Variants in PTPRT observed in about 807,000 individuals in gnomAD.
PTPRT encodes protein tyrosine phosphatase receptor type T, also known as receptor-type tyrosine-protein phosphatase T.
A neutral mutation model predicts 176.8 loss-of-function variants in PTPRT; 56 were observed. That is an observed-to-expected ratio of 0.32 (90% CI 0.26 to 0.40). The LOEUF is 0.40. Ranked by LOEUF, PTPRT falls within the 10% of genes least tolerant of loss-of-function variation. PTPRT has a pLI of 1.00. For missense variants in PTPRT, 1,540 were observed against 1,908.2 expected (o/e 0.81, Z 3.60); for synonymous variants, 783 against 739.0 (o/e 1.06, Z -0.96).
intron 1 of PTPRT, among the ~76,000 whole-genome samples, chr20:43,130,050 A>G (rs944695872): frequency 1.3e-5 from 2 of 152,250 alleles, no homozygotes; most frequent in African/African-American, 4.8e-5. Flanking sequence ...AACAAAAACT[A>G]TACAAGTGGG....
intron 7 of PTPRT, among the ~76,000 whole-genome samples, chr20:42,492,669 T>A (rs2071581586): frequency 6.6e-6 from 1 of 152,170 alleles, no homozygotes; most frequent in Admixed American, 6.6e-5. Flanking sequence ...AACATGTTAT[T>A]TAGTTGTCAA....
At chr20:42,564,251 C>A (rs1455305171) in intron 7 of PTPRT, among the ~76,000 whole-genome samples, 1 of 152,202 alleles carries the variant, frequency 6.6e-6, no homozygotes, top group African/African-American at 2.4e-5. Flanking sequence ...TATTTGGGAT[C>A]AACTTTGCTT....
the PTPRT span, among the ~76,000 whole-genome samples, chr20:42,042,267 C>A: frequency 6.6e-6 from 1 of 152,106 alleles, no homozygotes; most frequent in Non-Finnish European, 1.5e-5. Flanking sequence ...ATTCACTCTG[C>A]CAAGCATTAG....
chr20:42,678,773 G>A (rs907360915), intron 6 of PTPRT, among the ~76,000 whole-genome samples: 1 of 152,226 alleles, frequency 6.6e-6, no homozygotes, highest in African/African-American at 2.4e-5. Flanking sequence ...ACACAGCAAA[G>A]CTGCTGGGTG....
the PTPRT span, among the ~76,000 whole-genome samples, chr20:42,037,097 A>G: frequency 1.3e-5 from 2 of 152,176 alleles, no homozygotes; most frequent in African/African-American, 4.8e-5. Flanking sequence ...CAGGCATCCC[A>G]CTTCTCACAC....
chr20:43,054,842 A>G (rs1987176543), intron 1 of PTPRT, among the ~76,000 whole-genome samples: 1 of 152,180 alleles, frequency 6.6e-6, no homozygotes, highest in Non-Finnish European at 1.5e-5. Context: ...AGATTTTTCT[A>G]AAGACCCATC....
intron 23 of PTPRT, among the ~76,000 whole-genome samples, chr20:42,108,391 T>C (rs1347538429): frequency 1.3e-5 from 2 of 151,660 alleles, no homozygotes; most frequent in African/African-American, 4.9e-5. Flanking sequence ...TACTCATCTA[T>C]AAAATGATGT....
At chr20:42,167,667 AGAG>A (rs1989886895) in intron 16 of PTPRT, among the ~76,000 whole-genome samples, 2 of 152,180 alleles carry the variant, frequency 1.3e-5, no homozygotes, top group African/African-American at 4.8e-5. Flanking sequence ...TTTGAGGTGA[AGAG>A]GAGGCTGGGT....
At chr20:42,825,685 T>C (rs531168093) in intron 2 of PTPRT, among the ~76,000 whole-genome samples, 7 of 152,032 alleles carry the variant, frequency 4.6e-5, no homozygotes, top group Non-Finnish European at 7.4e-5. Context: ...AAAATGACAG[T>C]GTAGGAATTA....
chr20:42,685,899 A>G (rs1467349588), intron 6 of PTPRT: 5 of 152,056 alleles, frequency 3.3e-5, no homozygotes, highest in Non-Finnish European at 2.9e-5. Flanking sequence ...TCTGCTCTCA[A>G]TCACTAGGAG....
At chr20:42,849,616 ACT>A (rs371821228) in intron 2 of PTPRT, among the ~76,000 whole-genome samples, 117 of 152,046 alleles carry the variant, frequency 7.7e-4, no homozygotes, top group African/African-American at 2.7e-3. Context: ...GCCACAACAC[ACT>A]CTGTTAGAAC....
At chr20:42,993,293 A>C (rs1021229071) in intron 1 of PTPRT, among the ~76,000 whole-genome samples, 1 of 150,054 alleles carries the variant, frequency 6.7e-6, no homozygotes, top group African/African-American at 2.5e-5. Context: ...TGGCGGGTGC[A>C]TGTAGTCCTA....
At chr20:42,415,821 T>A (rs2059061165) in intron 9 of PTPRT, among the ~76,000 whole-genome samples, 1 of 152,152 alleles carries the variant, frequency 6.6e-6, no homozygotes, top group Non-Finnish European at 1.5e-5. Context: ...CCATCATTAT[T>A]TATAGGGGTG....
chr20:42,235,738 G>A (rs1349944360), intron 15 of PTPRT, among the ~76,000 whole-genome samples: 1 of 152,134 alleles, frequency 6.6e-6, no homozygotes, highest in Admixed American at 6.5e-5. Flanking sequence ...TTTCACCTGT[G>A]AGGCCGGTTC....
At chr20:42,800,971 T>C in intron 2 of PTPRT, among the ~76,000 whole-genome samples, 1 of 152,116 alleles carries the variant, frequency 6.6e-6, no homozygotes, top group Non-Finnish European at 1.5e-5. Flanking sequence ...ACCCAGTGAG[T>C]GGCAAGGTCG....
At chr20:42,999,468 G>A (rs1984407829) in intron 1 of PTPRT, among the ~76,000 whole-genome samples, 1 of 152,028 alleles carries the variant, frequency 6.6e-6, no homozygotes, top group South Asian at 2.1e-4. Context: ...ATGCTTCTGA[G>A]GGGTGGGAAT....
chr20:42,670,073 G>C (rs944618193), intron 7 of PTPRT, among the ~76,000 whole-genome samples: 3 of 152,160 alleles, frequency 2.0e-5, no homozygotes. Context: ...GCAGTGATCA[G>C]AGCTTGTTGC....
chr20:42,249,128 A>AT (rs558647382), intron 13 of PTPRT, among the ~76,000 whole-genome samples: 25 of 151,806 alleles, frequency 1.6e-4, no homozygotes, highest in South Asian at 8.3e-4. Context: ...TCAAGTTAAG[A>AT]TTTTTTTTTC....
chr20:42,444,278 G>C (rs141468840), intron 9 of PTPRT, among the ~76,000 whole-genome samples: 7 of 148,136 alleles, frequency 4.7e-5, no homozygotes, highest in African/African-American at 1.8e-4. Flanking sequence ...AGAGACTTTG[G>C]CTGGCTTATA....
Sources: allele counts gnomAD v4.1 joint callset (sites outside exome capture counted in the v4.1 genomes callset), GRCh38; gene constraint gnomAD v4.1.1; transcripts MANE v1.5; gene names NCBI Gene and HGNC (gene_info 2026-07-23, HGNC 2026-07-21).